The following SLCO1A2 variants were observed in gnomAD, a reference collection of about 807,000 sequenced individuals.
The protein encoded by SLCO1A2 is OATP-1.
A neutral mutation model predicts 69.0 loss-of-function variants in SLCO1A2; 67 were observed. The observed-to-expected ratio is 0.97, with a 90% CI of 0.80 to 1.19. The LOEUF (loss-of-function observed/expected upper bound fraction) is 1.19, where lower values mean the gene tolerates loss of function less well. Ranked by LOEUF, SLCO1A2 falls within the 50% of genes most tolerant of loss-of-function variation. The probability of loss-of-function intolerance (pLI) is 0.00; values close to 1 mark genes in which losing one functional copy is unlikely to be tolerated. For synonymous variants in SLCO1A2, 260 were observed against 265.9 expected (o/e 0.98, Z 0.22); for missense variants, 787 against 793.7 (o/e 0.99, Z 0.10).
chr12:21,366,640 T>C (rs943832707), intron 2 of SLCO1A2, among the ~76,000 whole-genome samples: 2 of 151,870 alleles, frequency 1.3e-5, no homozygotes, highest in Admixed American at 6.6e-5. Flanking sequence ...AAGGAGAATT[T>C]TGAAAAGAAA....
intron 2 of SLCO1A2, among the ~76,000 whole-genome samples, chr12:21,347,669 A>AAAGG (rs147886864): frequency 0.012 from 1,364 of 113,502 alleles, 34 homozygotes; most frequent in African/African-American, 0.045. Context: ...AGAAAGAAAG[A>AAAGG]AAGGAAGGAA....
chr12:21,318,798 A>G lies in SLCO1A2; in HGVS notation c.186T>C (p.Asn62=), dbSNP rs11568568. The change falls in exon 3 of 15, where the codon AAT becomes AAC. Residue 62 remains asparagine, a synonymous_variant. Coordinates refer to ENST00000683939, the MANE Select transcript of SLCO1A2 (RefSeq NM_001386879.1). ...NIPTSLVGFI[N]GSFEIGNLLL... Reference sequence around the variant, plus strand: ...ATTCATTACCAATCTCAAAGCTTCCATTAATGAATCCAACTAGAGATGTTG... The same window carrying G: ...ATTCATTACCAATCTCAAAGCTTCCGTTAATGAATCCAACTAGAGATGTTG... 1.9e-3 allele frequency: 3,019 copies of G among 1,599,780 alleles called. 57 individuals are homozygous for G. The African/African-American group carries it at 0.034, about 18-fold the overall frequency.
intron 1 of SLCO1A2, among the ~76,000 whole-genome samples, chr12:21,393,407 A>G (rs1243161379): frequency 6.6e-6 from 1 of 152,208 alleles, no homozygotes; most frequent in African/African-American, 2.4e-5. Context: ...ATTCTATTAG[A>G]TGCATAATAA....
At chr12:21,272,932 T>TAAGA (rs1555104263) in intron 14 of SLCO1A2, among the ~76,000 whole-genome samples, 2 of 152,196 alleles carry the variant, frequency 1.3e-5, no homozygotes, top group Admixed American at 6.5e-5. Flanking sequence ...TAAAAGAGTC[T>TAAGA]AAGATTTTAC....
At chr12:21,365,042 A>T (rs2137063831) in intron 2 of SLCO1A2, among the ~76,000 whole-genome samples, 1 of 152,316 alleles carries the variant, frequency 6.6e-6, no homozygotes, top group South Asian at 2.1e-4. Context: ...ATTGGAAAAA[A>T]CTACTTTAAA....
intron 2 of SLCO1A2, among the ~76,000 whole-genome samples, chr12:21,327,975 G>T (rs531430804): frequency 1.8e-4 from 28 of 152,138 alleles, no homozygotes; most frequent in Non-Finnish European, 3.1e-4. Flanking sequence ...TGTGTCATGG[G>T]AGGGAACTTG....
chr12:21,316,124 C>T (rs952433972), intron 3 of SLCO1A2, among the ~76,000 whole-genome samples: 1 of 152,138 alleles, frequency 6.6e-6, no homozygotes, highest in African/African-American at 2.4e-5. Context: ...GGCAATCAAA[C>T]ATGAAGGCAT....
Position 21,400,882 on chromosome 12 carries a change from TG to T in SLCO1A2, c.-312+16999del, listed in dbSNP as rs1331353389. Among the ~76,000 whole-genome samples the T allele has an allele frequency of 4.4e-4, 27 of 61,112 alleles. No homozygotes were observed. In the Admixed American group the frequency reaches 6.1e-3, roughly 14 times the overall value. 40.1% of individuals were successfully genotyped at this position (61,112 alleles called of 152,430 possible). On this transcript the variant is annotated intron_variant, in intron 1 of 4. Coordinates refer to the SLCO1A2 transcript ENST00000413682. ...TCACACTCTGGGGACTGTTGTGGGG[TG>T]GGGGGAGGGGGGAGGGATAGCATCG...
intron 2 of SLCO1A2, among the ~76,000 whole-genome samples, chr12:21,361,250 C>T (rs12822994): frequency 0.32 from 49,219 of 152,020 alleles, 8,286 homozygotes; most frequent in East Asian, 0.46. Flanking sequence ...CTTCAGCCTC[C>T]GCTGGTGATA....
At chr12:21,307,496 A>G (rs1379707350) in intron 4 of SLCO1A2, among the ~76,000 whole-genome samples, 1 of 152,150 alleles carries the variant, frequency 6.6e-6, no homozygotes, top group African/African-American at 2.4e-5. Context: ...AAAAACCAAA[A>G]TATTTGTCCA....
At chr12:21,394,453 A>C (rs1316148839) in intron 1 of SLCO1A2, among the ~76,000 whole-genome samples, 1 of 150,908 alleles carries the variant, frequency 6.6e-6, no homozygotes, top group African/African-American at 2.4e-5. Flanking sequence ...AGATGGGAGG[A>C]TCTCTTTAGC....
At chr12:21,271,076 G>C (rs969753996) in intron 14 of SLCO1A2, among the ~76,000 whole-genome samples, 1 of 151,724 alleles carries the variant, frequency 6.6e-6, no homozygotes, top group Non-Finnish European at 1.5e-5. Context: ...TGGTAATCCA[G>C]TATAACCACA....
At chr12:21,373,719 G>A (rs1939974027) in intron 2 of SLCO1A2, 5 of 700,268 alleles carry the variant, frequency 7.1e-6, no homozygotes, top group Non-Finnish European at 1.0e-5. Context: ...CATGAAGCGG[G>A]AAAAAAATCA....
chr12:21,412,853 G>A (rs1042543431), intron 1 of SLCO1A2, among the ~76,000 whole-genome samples: 2 of 152,084 alleles, frequency 1.3e-5, no homozygotes, highest in Non-Finnish European at 2.9e-5. Flanking sequence ...GCCAGGTCAC[G>A]GTGCTATGAC....
At chr12:21,381,035 G>A (rs1016706543) in intron 1 of SLCO1A2, among the ~76,000 whole-genome samples, 2 of 152,078 alleles carry the variant, frequency 1.3e-5, no homozygotes, top group Non-Finnish European at 2.9e-5. Context: ...ACTGATGATC[G>A]GCAGCTTCCA....
At position 21,268,282 on chromosome 12, in the gene SLCO1A2, T is replaced by C. The variant is rs1480908445; in HGVS notation, c.*1266A>G. On this transcript the variant is annotated 3_prime_UTR_variant, in exon 15 of 15. Transcript: ENST00000683939. ...CTGTATTTCAGCTTCCTCCACTCTG[T>C]TGTATCCCTGCAGACACTCTCACTC... 6.6e-6 allele frequency: 1 copy of C among 152,108 alleles called. No homozygotes were observed. The highest frequency in any genetic ancestry group is 1.9e-4 in the East Asian group (1 of 5,192). 9.4% of individuals were successfully genotyped at this position (152,108 alleles called of 1,614,324 possible).
intron 2 of SLCO1A2, among the ~76,000 whole-genome samples, chr12:21,342,685 ATAAG>A (rs1285425074): frequency 3.9e-5 from 6 of 152,122 alleles, no homozygotes; most frequent in African/African-American, 1.2e-4. Flanking sequence ...AATGTAATAA[ATAAG>A]TAAATTTTAT....
chr12:21,332,576 T>C (rs1463066189), intron 2 of SLCO1A2, among the ~76,000 whole-genome samples: 3 of 152,062 alleles, frequency 2.0e-5, no homozygotes, highest in South Asian at 2.1e-4. Flanking sequence ...TAGACTAACT[T>C]TGGAAGGCTC....
chr12:21,401,834 A>G (rs776116665), intron 1 of SLCO1A2, among the ~76,000 whole-genome samples: 5 of 151,794 alleles, frequency 3.3e-5, no homozygotes, highest in Non-Finnish European at 7.4e-5. Context: ...AACTGAGTTT[A>G]TAACTGTATC....
Sources: gnomAD v4.1 joint callset for allele counts (sites outside exome capture counted in the v4.1 genomes callset) on GRCh38, gnomAD v4.1.1 for gene constraint, MANE v1.5 for transcripts, NCBI Gene and HGNC (gene_info 2026-07-23, HGNC 2026-07-21) for gene names.